CDH8: variants seen among roughly 807,000 people sequenced by gnomAD.
The protein encoded by CDH8 is cadherin 8.
Under a neutral mutation model 68.1 loss-of-function variants are expected in CDH8, and 17 were observed. The ratio of observed to expected loss-of-function variants is 0.25; its 90% CI spans 0.17 to 0.37. CDH8 has a LOEUF of 0.37. Ranked by LOEUF, CDH8 falls within the 10% of genes least tolerant of loss-of-function variation. The probability of loss-of-function intolerance (pLI) is 1.00; values close to 1 mark genes in which losing one functional copy is unlikely to be tolerated. For synonymous variants in CDH8, 372 were observed against 365.1 expected (o/e 1.02, Z -0.21); for missense variants, 763 against 999.3 (o/e 0.76, Z 3.19).
intron 1 of CDH8, among the ~76,000 whole-genome samples, chr16:62,034,071 G>A (rs1026820663): frequency 6.6e-6 from 1 of 152,054 alleles, no homozygotes; most frequent in Non-Finnish European, 1.5e-5. Context: ...TGATGATTAT[G>A]GAGAACTCCC....
At chr16:61,681,076 A>G (rs918997004) in intron 10 of CDH8, among the ~76,000 whole-genome samples, 4 of 151,960 alleles carry the variant, frequency 2.6e-5, no homozygotes, top group Non-Finnish European at 4.4e-5. Flanking sequence ...ATTGCTTTCA[A>G]GGATGTACAA....
chr16:61,677,132 T>C (rs1241062023), intron 10 of CDH8, among the ~76,000 whole-genome samples: 1 of 151,830 alleles, frequency 6.6e-6, no homozygotes, highest in Non-Finnish European at 1.5e-5. Context: ...AATTGGGGTA[T>C]GTTTTTGTCT....
Position 61,775,485 on chromosome 16 carries a change from C to T in CDH8, c.1414+13861G>A, listed in dbSNP as rs373941919. Among the ~76,000 whole-genome samples, 4 of 152,044 alleles carry T rather than the reference C, an allele frequency of 2.6e-5. No individual in the cohort carries two copies. In the East Asian group the frequency reaches 7.7e-4, roughly 29 times the overall value. On this transcript the variant is annotated intron_variant, in intron 8 of 11. Transcript: ENST00000577390. The stretch of plus-strand genomic sequence containing the variant: ...TATGGCCATATTATTTCTAACTCCT[C>T]TCATCAAGAGATGACACTTCTCTAG...
intron 3 of CDH8, among the ~76,000 whole-genome samples, chr16:61,891,706 T>G (rs182946826): frequency 3.9e-5 from 6 of 152,296 alleles, no homozygotes; most frequent in African/African-American, 1.4e-4. Context: ...CCTTAGTCAT[T>G]CGTATCAGGT....
chr16:61,684,516 A>T (rs1178566038), intron 10 of CDH8, among the ~76,000 whole-genome samples: 1 of 152,042 alleles, frequency 6.6e-6, no homozygotes, highest in Non-Finnish European at 1.5e-5. Context: ...CACATATTTC[A>T]TTAATTATAA....
intron 2 of CDH8, among the ~76,000 whole-genome samples, chr16:61,994,837 TC>T (rs1476285200): frequency 6.6e-6 from 1 of 152,132 alleles, no homozygotes; most frequent in African/African-American, 2.4e-5. Context: ...TGTTTCTCAA[TC>T]CCCCTGCAAA....
chr16:61,672,940 T>C (rs1963827093), intron 10 of CDH8, among the ~76,000 whole-genome samples: 1 of 152,092 alleles, frequency 6.6e-6, no homozygotes, highest in African/African-American at 2.4e-5. Flanking sequence ...TTTAAAACTA[T>C]CTTAATAATA....
At chr16:61,838,026 G>C (rs964165556) in intron 4 of CDH8, among the ~76,000 whole-genome samples, 1 of 152,142 alleles carries the variant, frequency 6.6e-6, no homozygotes, top group Non-Finnish European at 1.5e-5. Flanking sequence ...GTTAGTAACA[G>C]CAGGTTGTTA....
chr16:61,673,952 A>G (rs1963845819), intron 10 of CDH8, among the ~76,000 whole-genome samples: 1 of 152,152 alleles, frequency 6.6e-6, no homozygotes, highest in African/African-American at 2.4e-5. Context: ...CACATATAGA[A>G]TGAGAATCCA....
intron 1 of CDH8, among the ~76,000 whole-genome samples, chr16:62,025,962 A>G (rs1902189787): frequency 1.3e-5 from 2 of 152,132 alleles, no homozygotes; most frequent in South Asian, 4.1e-4. Context: ...ATTTTAAGTA[A>G]TGTTTCATTT....
In CDH8 at chr16:61,820,907, A is replaced by T. The variant is rs1216117309; in HGVS notation, c.1023+19T>A. 1.3e-6 allele frequency: 2 copies of T among 1,596,072 alleles called. No individual in the cohort carries two copies. The highest frequency in any genetic ancestry group is 1.7e-6 in the Non-Finnish European group (2 of 1,169,324). ...TCAACAAGATATTTTGAAGATGAAC[A>T]AAAGCTTCCTTAGCTTACTTTTCTT... On this transcript the variant is annotated intron_variant, in intron 6 of 11. Coordinates refer to ENST00000577390, the MANE Select transcript of CDH8 (RefSeq NM_001796.5).
chr16:61,740,437 T>C (rs1348301167), intron 8 of CDH8, among the ~76,000 whole-genome samples: 5 of 152,104 alleles, frequency 3.3e-5, no homozygotes, highest in Non-Finnish European at 7.4e-5. Context: ...GAAAAGCATA[T>C]AAATGTTAAG....
At chr16:61,925,987 CT>C (rs1964450093) in intron 2 of CDH8, among the ~76,000 whole-genome samples, 1 of 152,086 alleles carries the variant, frequency 6.6e-6, no homozygotes. Flanking sequence ...GTTCAAATTG[CT>C]TTACATACAT....
At chr16:61,749,790 T>C (rs1481562042) in intron 8 of CDH8, among the ~76,000 whole-genome samples, 2 of 152,092 alleles carry the variant, frequency 1.3e-5, no homozygotes, top group Non-Finnish European at 2.9e-5. Flanking sequence ...TGTGTCTAAT[T>C]CCATAAACAC....
At chr16:61,826,582 A>G (rs1438601820) in intron 4 of CDH8, among the ~76,000 whole-genome samples, 1 of 151,792 alleles carries the variant, frequency 6.6e-6, no homozygotes, top group Non-Finnish European at 1.5e-5. Context: ...GGCACCATAC[A>G]TGTTCAATTC....
intron 7 of CDH8, among the ~76,000 whole-genome samples, chr16:61,799,436 A>C (rs1961568891): frequency 6.6e-6 from 1 of 152,186 alleles, no homozygotes; most frequent in Admixed American, 6.5e-5. Flanking sequence ...TAAGCCCTAT[A>C]TATTAATTTT....
intron 2 of CDH8, among the ~76,000 whole-genome samples, chr16:61,945,744 G>A (rs1964792520): frequency 6.6e-6 from 1 of 152,140 alleles, no homozygotes. Flanking sequence ...AATTAGAAAC[G>A]ACCAGCTGGT....
At chr16:61,682,217 T>G (rs1200170194) in intron 10 of CDH8, among the ~76,000 whole-genome samples, 1 of 151,994 alleles carries the variant, frequency 6.6e-6, no homozygotes, top group African/African-American at 2.4e-5. Context: ...AAACAATTTA[T>G]CTAGGCATTT....
At chr16:62,007,573 C>T (rs1965998476) in intron 2 of CDH8, among the ~76,000 whole-genome samples, 1 of 147,662 alleles carries the variant, frequency 6.8e-6, no homozygotes, top group Non-Finnish European at 1.5e-5. Flanking sequence ...GTGTTAGAAT[C>T]AAAATGCACA....
Sources: gnomAD v4.1 joint callset for allele counts (sites outside exome capture counted in the v4.1 genomes callset) on GRCh38, gnomAD v4.1.1 for gene constraint, MANE v1.5 for transcripts, NCBI Gene and HGNC (gene_info 2026-07-23, HGNC 2026-07-21) for gene names.